Variants in PEMT observed in about 807,000 individuals in gnomAD.
PEMT encodes the protein phospholipid methyltransferase.
A neutral mutation model predicts 27.4 loss-of-function variants in PEMT; 23 were observed. The observed-to-expected ratio is 0.84, with a 90% confidence interval of 0.60 to 1.19. PEMT has a LOEUF of 1.19. Ranked by LOEUF, PEMT falls within the 50% of genes most tolerant of loss-of-function variation. The probability of loss-of-function intolerance (pLI) is 0.00; values close to 1 mark genes in which losing one functional copy is unlikely to be tolerated. For missense variants in PEMT, 307 were observed against 310.1 expected (o/e 0.99, Z 0.07); for synonymous variants, 137 against 139.1 (o/e 0.98, Z 0.11).
intron 3 of PEMT, among the ~76,000 whole-genome samples, chr17:17,520,380 C>A (rs1158234155): frequency 6.6e-6 from 1 of 152,236 alleles, no homozygotes; most frequent in Non-Finnish European, 1.5e-5. Context: ...TGGATGGAAT[C>A]TTTTCTCCCT....
intron 1 of PEMT, among the ~76,000 whole-genome samples, chr17:17,585,405 G>A (rs1450931306): frequency 2.0e-4 from 31 of 152,156 alleles, no homozygotes; most frequent in Non-Finnish European, 4.4e-5. Flanking sequence ...GAACTAAAGG[G>A]TGGAAAAGAC....
chr17:17,554,922 T>A (rs561530905), intron 2 of PEMT, among the ~76,000 whole-genome samples: 3 of 152,220 alleles, frequency 2.0e-5, no homozygotes, highest in African/African-American at 4.8e-5. Context: ...GGCCAGCAGA[T>A]TTTTTTAAAG....
intron 3 of PEMT, among the ~76,000 whole-genome samples, chr17:17,518,451 C>T (rs1281107764): frequency 6.6e-6 from 1 of 152,236 alleles, no homozygotes; most frequent in East Asian, 1.9e-4. Context: ...CACTCCACAG[C>T]CAGAGCAAAC....
chr17:17,580,545 G>C (rs1178185617), intron 1 of PEMT, among the ~76,000 whole-genome samples: 1 of 152,166 alleles, frequency 6.6e-6, no homozygotes, highest in East Asian at 1.9e-4. Flanking sequence ...CCTGGTGGGG[G>C]GAGGGTGGAA....
Position 17,512,671 on chromosome 17 carries a change from G to A in PEMT, c.321-17C>T, listed in dbSNP as rs1477776099. ...TGCGTGAAGCTGTGGGCAGGGGATG[G>A]AGAGGGAGGACGTCATGGCCAGGGA... On this transcript the variant is annotated splice_polypyrimidine_tract_variant and intron_variant, in intron 3 of 6. Coordinates refer to ENST00000255389, the MANE Select transcript of PEMT (RefSeq NM_148172.3). The surrounding 1 kb of genome is among the most constrained non-coding windows in gnomAD (Gnocchi z 6.3). 6 of 1,503,570 alleles carry A rather than the reference G, an allele frequency of 4.0e-6. No homozygotes were observed. Among genetic ancestry groups the A allele is most frequent in the Admixed American group, 2.1e-5 (1 of 48,474 alleles). The allele number at this position is 1,503,570 out of a possible 1,614,324, so 93.1% of individuals were successfully genotyped here.
intron 2 of PEMT, among the ~76,000 whole-genome samples, chr17:17,539,178 G>A (rs1386672959): frequency 6.6e-6 from 1 of 152,056 alleles, no homozygotes; most frequent in East Asian, 1.9e-4. Flanking sequence ...ATGGGGTCTC[G>A]CTATGTTGCC....
rs74609824 is a variant in PEMT at position 17,578,039 on chromosome 17, G to A, written c.97-1012C>T. Among the ~76,000 whole-genome samples, 5 of 148,016 alleles carry A rather than the reference G, an allele frequency of 3.4e-5. No individual in the cohort carries two copies. The East Asian group carries it at 6.0e-4, about 18-fold the overall frequency. ...CTCAAAAAAAAAAAAAAAAAAGCAC[G>A]AGGTCTACACACAGCACTGTGAAAC... is the stretch of plus-strand genomic sequence containing the variant. On this transcript the variant is annotated intron_variant, in intron 1 of 6. Transcript: ENST00000255389.
At chr17:17,575,648 C>T (rs991645962) in intron 2 of PEMT, among the ~76,000 whole-genome samples, 6 of 152,222 alleles carry the variant, frequency 3.9e-5, no homozygotes, top group Non-Finnish European at 8.8e-5. Context: ...AGGTGCTCCC[C>T]AGCCCAGCCA....
At chr17:17,524,090 G>T (rs1311402572) in intron 2 of PEMT, among the ~76,000 whole-genome samples, 1 of 152,190 alleles carries the variant, frequency 6.6e-6, no homozygotes, top group Admixed American at 6.5e-5. Context: ...GTGCGTAAAT[G>T]CACTTCATTC....
At chr17:17,571,959 A>G (rs1352595125) in intron 2 of PEMT, among the ~76,000 whole-genome samples, 1 of 152,164 alleles carries the variant, frequency 6.6e-6, no homozygotes, top group Non-Finnish European at 1.5e-5. Flanking sequence ...TTGGCCTCCC[A>G]AAGTGCTTGG....
chr17:17,509,263 C>T (rs1455782446), intron 5 of PEMT, among the ~76,000 whole-genome samples, 171 bp downstream of exon 5: 1 of 152,238 alleles, frequency 6.6e-6, no homozygotes, highest in African/African-American at 2.4e-5. Context: ...TTTCTGTTAC[C>T]ATAGATAAGA....
At chr17:17,533,669 T>C (rs1908260115) in intron 2 of PEMT, among the ~76,000 whole-genome samples, 1 of 151,488 alleles carries the variant, frequency 6.6e-6, no homozygotes, top group Admixed American at 6.6e-5. Context: ...GCAATTAGAA[T>C]GCTCACTCCT....
intron 4 of PEMT, among the ~76,000 whole-genome samples, chr17:17,509,997 C>G (rs56028126): frequency 6.6e-6 from 1 of 152,058 alleles, no homozygotes; most frequent in South Asian, 2.1e-4. Flanking sequence ...TGGTGAGTTC[C>G]TCTCCCTCTA....
intron 3 of PEMT, among the ~76,000 whole-genome samples, chr17:17,520,012 G>A (rs1907145071): frequency 6.6e-6 from 1 of 152,228 alleles, no homozygotes; most frequent in African/African-American, 2.4e-5. Context: ...CTAGGGAGCA[G>A]GAGTGGTGGA....
intron 2 of PEMT, among the ~76,000 whole-genome samples, chr17:17,526,553 T>C (rs918244407): frequency 9.9e-5 from 15 of 152,218 alleles, no homozygotes; most frequent in Admixed American, 7.9e-4. Context: ...TCTCCCCCTA[T>C]CCGTGGCTCA....
Position 17,586,282 on chromosome 17 carries a change from AAGAAAG to A in PEMT, c.96+5243_96+5248del, listed in dbSNP as rs1403327438. On this transcript the variant is annotated intron_variant, in intron 1 of 6. Transcript: ENST00000255389. Reference sequence around the variant, plus strand: ...AAAGAAAGAAAGAAAGAAAGAAAGAAAGAAAGAAAAAAAAAAACGCAGGTGGAAAAT... The same window carrying A: ...AAAGAAAGAAAGAAAGAAAGAAAGAAAAAAAAAAAAACGCAGGTGGAAAAT... 3.5e-3 allele frequency among the ~76,000 whole-genome samples: 327 copies of A among 92,194 alleles called. 16 individuals carry two copies. Among genetic ancestry groups the A allele is most frequent in the East Asian group, 0.013 (43 of 3,368 alleles). The allele number at this position is 92,194 out of a possible 152,430, so 60.5% of individuals were successfully genotyped here. A position where few individuals can be genotyped will look rare whatever the true frequency, so the allele number is the denominator to read the frequency against.
At chr17:17,592,064 G>C, upstream of PEMT, 1 of 984,474 alleles carries the variant, frequency 1.0e-6, no homozygotes, top group Non-Finnish European at 1.2e-6. Flanking sequence ...CTGCGGACTT[G>C]GACTTGGCCC....
intron 2 of PEMT, among the ~76,000 whole-genome samples, chr17:17,528,864 G>A (rs771425442): frequency 1.4e-4 from 21 of 152,244 alleles, no homozygotes; most frequent in East Asian, 1.9e-4. Context: ...CCCCTAGGCC[G>A]GCCCCGATGG....
intron 5 of PEMT, chr17:17,508,655 G>A (rs1423973335): frequency 2.8e-6 from 1 of 360,288 alleles, no homozygotes; most frequent in Non-Finnish European, 5.7e-6. Flanking sequence ...CTGGGGTGGG[G>A]GCTGGGTATG....
Sources: gnomAD v4.1 joint callset for allele counts (sites outside exome capture counted in the v4.1 genomes callset) on GRCh38, gnomAD v4.1.1 for gene constraint, Gnocchi (gnomAD v3.1) non-coding constraint, MANE v1.5 for transcripts, NCBI Gene and HGNC (gene_info 2026-07-23, HGNC 2026-07-21) for gene names.